Variants in PGAP1 observed in about 807,000 individuals in gnomAD.
PGAP1 encodes GPI inositol-deacylase.
PGAP1 carries 76 observed loss-of-function variants against 127.0 expected under a neutral mutation model. That is an observed-to-expected ratio of 0.60 (90% CI 0.50 to 0.72). The LOEUF (loss-of-function observed/expected upper bound fraction) is 0.72, where lower values mean the gene tolerates loss of function less well. PGAP1 is among the 30% of genes least tolerant of loss of function. The pLI, the probability that PGAP1 is intolerant of heterozygous loss-of-function variation, is 0.00. For missense variants in PGAP1, 982 were observed against 1,071.3 expected (o/e 0.92, Z 1.16); for synonymous variants, 362 against 366.5 (o/e 0.99, Z 0.14).
chr2:196,900,753 A>G (rs970590859), intron 5 of PGAP1, among the ~76,000 whole-genome samples: 29 of 152,108 alleles, frequency 1.9e-4, no homozygotes, highest in Middle Eastern at 3.4e-3. Flanking sequence ...GTGAAACCCC[A>G]TCTCTACTAA....
At chr2:196,868,187 A>G (rs1378936220) in intron 19 of PGAP1, among the ~76,000 whole-genome samples, 4 of 152,202 alleles carry the variant, frequency 2.6e-5, no homozygotes, top group Non-Finnish European at 5.9e-5. Context: ...TAAGGCTTAA[A>G]TATGTTCACA....
At chr2:196,913,264 A>G (rs182910718) in intron 3 of PGAP1, among the ~76,000 whole-genome samples, 6 of 152,328 alleles carry the variant, frequency 3.9e-5, no homozygotes, top group Admixed American at 1.3e-4. Context: ...TTTAACAGGT[A>G]TATCTTGGTT....
At chr2:196,899,051 G>A (rs192528493) in intron 5 of PGAP1, among the ~76,000 whole-genome samples, 1 of 152,182 alleles carries the variant, frequency 6.6e-6, no homozygotes, top group East Asian at 1.9e-4. Flanking sequence ...CACCCTTCAA[G>A]AACTAGAGAC....
chr2:196,860,641 C>T (rs1701035915), intron 20 of PGAP1, among the ~76,000 whole-genome samples: 1 of 152,006 alleles, frequency 6.6e-6, no homozygotes, highest in South Asian at 2.1e-4. Context: ...AAAATATCTC[C>T]ACAGTGAAAA....
intron 18 of PGAP1, among the ~76,000 whole-genome samples, chr2:196,871,771 T>C (rs1225681388): frequency 6.6e-6 from 1 of 152,158 alleles, no homozygotes; most frequent in Non-Finnish European, 1.5e-5. Context: ...AATCCAAACA[T>C]TTAAGCTTGG....
intron 20 of PGAP1, among the ~76,000 whole-genome samples, chr2:196,854,946 G>A (rs1700830538): frequency 6.6e-6 from 1 of 151,278 alleles, no homozygotes; most frequent in South Asian, 2.1e-4. Context: ...CCCAGCTAAT[G>A]TATTCTTTTT....
At chr2:196,869,762 AAATT>A (rs1363459278) in intron 19 of PGAP1, among the ~76,000 whole-genome samples, 1 of 152,260 alleles carries the variant, frequency 6.6e-6, no homozygotes, top group African/African-American at 2.4e-5. Flanking sequence ...TAATGTTCAC[AAATT>A]AATAATGATC....
At chr2:196,850,608 G>GA (rs1479903343) in intron 20 of PGAP1, among the ~76,000 whole-genome samples, 5 of 152,030 alleles carry the variant, frequency 3.3e-5, no homozygotes, top group Admixed American at 3.3e-4. Context: ...CCACATGTAG[G>GA]ATGACAAGGC....
intron 20 of PGAP1, among the ~76,000 whole-genome samples, chr2:196,859,858 C>T (rs1374355504): frequency 2.0e-5 from 3 of 151,586 alleles, no homozygotes; most frequent in Admixed American, 2.0e-4. Flanking sequence ...AAGAACATAC[C>T]TCAAAACAAT....
At chr2:196,903,766 C>T (rs992638539) in intron 4 of PGAP1, among the ~76,000 whole-genome samples, 5 of 152,086 alleles carry the variant, frequency 3.3e-5, no homozygotes, top group Non-Finnish European at 7.4e-5. Context: ...AAGGGAAGAA[C>T]CTGCAGACAA....
chr2:196,874,560 A>G (rs373571067), intron 14 of PGAP1, among the ~76,000 whole-genome samples: 5 of 152,364 alleles, frequency 3.3e-5, no homozygotes, highest in African/African-American at 1.2e-4. Flanking sequence ...ATAACATTAT[A>G]GCAGAGAAAT....
chr2:196,926,132 A>G (rs1439506643), intron 1 of PGAP1, among the ~76,000 whole-genome samples: 1 of 152,086 alleles, frequency 6.6e-6, no homozygotes, highest in Non-Finnish European at 1.5e-5. Context: ...CTCTCTGGGC[A>G]TGAGGGGGGC....
intron 10 of PGAP1, among the ~76,000 whole-genome samples, chr2:196,886,154 TC>T (rs1329040404): frequency 1.4e-5 from 2 of 146,856 alleles, no homozygotes; most frequent in South Asian, 2.2e-4. Flanking sequence ...TGACTGGTTA[TC>T]TCTTTTTTTT....
chr2:196,869,834 AT>A (rs1249298841), intron 19 of PGAP1, among the ~76,000 whole-genome samples: 12 of 152,362 alleles, frequency 7.9e-5, no homozygotes, highest in Admixed American at 4.6e-4. Flanking sequence ...CATATACAAA[AT>A]GTTTCTAATT....
chr2:196,858,874 C>T (rs1700974959), intron 20 of PGAP1, among the ~76,000 whole-genome samples: 1 of 152,040 alleles, frequency 6.6e-6, no homozygotes, highest in Non-Finnish European at 1.5e-5. Flanking sequence ...AGAGTTATTA[C>T]AACTGATACC....
In PGAP1 at chr2:196,841,011, A is replaced by T. The variant is rs1047748423; in HGVS notation, c.*223T>A. On this transcript the variant is annotated 3_prime_UTR_variant, in exon 27 of 27. Coordinates refer to ENST00000354764, the MANE Select transcript of PGAP1 (RefSeq NM_024989.4). ...GTGATCACCATATATCCCTTCATGA[A>T]TTTTTCAAAAATGATTACTACATGG... is the stretch of plus-strand genomic sequence containing the variant. 1.9e-5 allele frequency: 9 copies of T among 476,838 alleles called. No homozygotes were observed. The highest frequency in any genetic ancestry group is 2.9e-5 in the Non-Finnish European group (8 of 271,762). 29.5% of individuals were successfully genotyped at this position (476,838 alleles called of 1,614,324 possible).
intron 10 of PGAP1, 106 bp from the exon 11 acceptor site, chr2:196,885,986 G>A: frequency 1.6e-6 from 1 of 612,428 alleles, no homozygotes; most frequent in Non-Finnish European, 2.5e-6. Flanking sequence ...GATATAGGGT[G>A]ACTAGGAGCA....
intron 5 of PGAP1, among the ~76,000 whole-genome samples, chr2:196,902,288 T>G (rs1224709866): frequency 6.6e-6 from 1 of 152,244 alleles, no homozygotes; most frequent in Non-Finnish European, 1.5e-5. Flanking sequence ...TCCTCCTGCC[T>G]TGGCCTCACA....
intron 7 of PGAP1, among the ~76,000 whole-genome samples, chr2:196,896,446 A>C (rs887361374): frequency 2.6e-5 from 4 of 152,176 alleles, no homozygotes; most frequent in African/African-American, 9.7e-5. Context: ...GTGAGAACTT[A>C]TCTCTCAAAA....
Sources: allele counts gnomAD v4.1 joint callset (sites outside exome capture counted in the v4.1 genomes callset), GRCh38; gene constraint gnomAD v4.1.1; transcripts MANE v1.5; gene names NCBI Gene and HGNC (gene_info 2026-07-23, HGNC 2026-07-21).